LRRC23: variants seen among roughly 807,000 people sequenced by gnomAD.
LRRC23 encodes the protein leucine rich repeat containing 23.
LRRC23 carries 28 observed loss-of-function variants against 37.7 expected under a neutral mutation model. The observed-to-expected ratio is 0.74, with a 90% confidence interval of 0.55 to 1.02. LRRC23 has a LOEUF of 1.02. Among genes scored for constraint, LRRC23 ranks in the 50% least tolerant of loss-of-function variants. The pLI, the probability that LRRC23 is intolerant of heterozygous loss-of-function variation, is 0.00. For synonymous variants in LRRC23, 161 were observed against 165.4 expected (o/e 0.97, Z 0.20); for missense variants, 377 against 413.2 (o/e 0.91, Z 0.76).
rs1945195369 is a variant in LRRC23, at chr12:6,912,805, T to C, written c.834T>C (p.Leu278=). The change falls in exon 7 of 8, where the codon CTT becomes CTC. Residue 278 remains leucine, a synonymous_variant. Transcript: ENST00000443597. ...CCAAGCTGCGAGCGTTGGTGCTGCTTGATAACCCATGCACGGACGAAACCA... is the reference window on the plus strand; with the variant it reads ...CCAAGCTGCGAGCGTTGGTGCTGCTCGATAACCCATGCACGGACGAAACCA... ...DLPKLRALVL[L]DNPCTDETSY... is the part of the protein sequence containing the mutation. 1 of 1,614,070 alleles carries C rather than the reference T, an allele frequency of 6.2e-7. No individual in the cohort carries two copies. Among genetic ancestry groups the C allele is most frequent in the Non-Finnish European group, 8.5e-7 (1 of 1,179,998 alleles).
intron 5 of LRRC23, among the ~76,000 whole-genome samples, chr12:6,909,062 TAAA>T (rs1463864258): frequency 1.6e-5 from 1 of 64,512 alleles, no homozygotes; most frequent in Admixed American, 2.6e-4. Context: ...ATATTATATA[TAAA>T]TATATATTAT....
In LRRC23 at chr12:6,913,843, G is replaced by A. The variant is rs781864414; in HGVS notation, c.*25-48G>A. On this transcript the variant is annotated intron_variant, in intron 7 of 7. Transcript: ENST00000443597. ...CTTCCAAAGTGCTGGGATTACAGGG[G>A]TGAGCCACAGCGCCTGGTCCCTATT... The A allele has an allele frequency of 7.7e-6, 11 of 1,429,092 alleles. No homozygotes were observed. In the East Asian group the frequency reaches 2.2e-4, roughly 28 times the overall value. 88.5% of individuals were successfully genotyped at this position (1,429,092 alleles called of 1,614,324 possible).
intron 5 of LRRC23, among the ~76,000 whole-genome samples, chr12:6,907,923 C>T (rs902481425): frequency 3.3e-5 from 5 of 152,112 alleles, no homozygotes; most frequent in African/African-American, 7.2e-5. Context: ...ATTGAGGGCT[C>T]GGTTCCCAAG....
At chr12:6,908,596 C>CAAAAAAAAAAAAAAAAAAAA (rs61662814) in intron 5 of LRRC23, among the ~76,000 whole-genome samples, 5 of 31,074 alleles carry the variant, frequency 1.6e-4, no homozygotes, top group African/African-American at 3.9e-4. Context: ...GACTCCATCT[C>CAAAAAAAAAAAAAAAAAAAA]AAAAAAAAAA....
intron 5 of LRRC23, 128 bp downstream of exon 5, chr12:6,907,573 C>T: frequency 1.0e-6 from 1 of 1,004,562 alleles, no homozygotes; most frequent in South Asian, 1.3e-5. Flanking sequence ...TTATCAAGAC[C>T]ATAGTTGGTT....
At chr12:6,907,286 C>G in intron 4 of LRRC23, 29 bp from the exon 5 acceptor site, 1 of 1,612,108 alleles carries the variant, frequency 6.2e-7, no homozygotes, top group Non-Finnish European at 8.5e-7. Flanking sequence ...TGGAGTGGCC[C>G]TTTGAGCTCT....
At chr12:6,911,769 G>C (rs1033380375) in intron 6 of LRRC23, among the ~76,000 whole-genome samples, 1 of 152,146 alleles carries the variant, frequency 6.6e-6, no homozygotes, top group Non-Finnish European at 1.5e-5. Flanking sequence ...GCACTTTGGG[G>C]GGGCCAAGGC....
intron 7 of LRRC23, chr12:6,913,599 T>C (rs1403978305): frequency 6.6e-6 from 1 of 152,604 alleles, no homozygotes; most frequent in African/African-American, 2.7e-5. Context: ...GTAGTCTTGC[T>C]TAGTCTCCAG....
chr12:6,906,397 T>A lies in LRRC23; in HGVS notation c.237-12T>A, dbSNP rs1370538708. ...CCTAAACCTGGTTTCTTCTCCCTCT[T>A]CCATCTCCTAGGGACCTGACAGACA... On this transcript the variant is annotated splice_polypyrimidine_tract_variant and intron_variant, in intron 3 of 7. Coordinates refer to ENST00000443597, the MANE Select transcript of LRRC23 (RefSeq NM_001135217.2). 6.2e-7 allele frequency: 1 copy of A among 1,611,728 alleles called. No homozygotes were observed. The highest frequency in any genetic ancestry group is 8.5e-7 in the Non-Finnish European group (1 of 1,179,032).
At position 6,914,170 on chromosome 12, in the gene LRRC23, T is replaced by A; in HGVS notation, c.*304T>A. 2 of 1,157,616 alleles carry A rather than the reference T, an allele frequency of 1.7e-6. No individual in the cohort carries two copies. The highest frequency in any genetic ancestry group is 2.4e-6 in the Non-Finnish European group (2 of 834,118). 71.7% of individuals were successfully genotyped at this position (1,157,616 alleles called of 1,614,324 possible). A position where few individuals can be genotyped will look rare whatever the true frequency, so the allele number is the denominator to read the frequency against. On this transcript the variant is annotated 3_prime_UTR_variant, in exon 8 of 8. Transcript: ENST00000443597. This position sits in a 1 kb window ranked among gnomAD's most constrained non-coding sequence, Gnocchi z 7.1. ...GCCGCGGGGTGCTGGTAGGAGTGGT[T>A]GGAGAGACTTGCGAAGGCGGCTGGG...
At chr12:6,907,708 C>A (rs782437146) in intron 5 of LRRC23, 37 of 594,780 alleles carry the variant, frequency 6.2e-5, no homozygotes, top group Non-Finnish European at 8.7e-5. Flanking sequence ...GTACAAACAT[C>A]AGTCTGTGGA....
intron 5 of LRRC23, 116 bp downstream of exon 5, chr12:6,907,561 T>C (rs1944980258): frequency 1.8e-6 from 2 of 1,094,890 alleles, no homozygotes; most frequent in African/African-American, 1.6e-5. Context: ...TAACTGGTAT[T>C]ATTATCAAGA....
In LRRC23 at chr12:6,913,934, G is replaced by A. The variant is rs782770175; in HGVS notation, c.*68G>A. 7 of 1,611,400 alleles carry A rather than the reference G, an allele frequency of 4.3e-6. No individual in the cohort carries two copies. Among genetic ancestry groups the A allele is most frequent in the Middle Eastern group, 1.7e-4 (1 of 6,038 alleles). On this transcript the variant is annotated 3_prime_UTR_variant, in exon 8 of 8. Transcript: ENST00000443597. ...CTTCAGACCTGATCAGACTCCCAGG[G>A]GCAGCCACCACATGTATGACAGAGA...
At position 6,908,596 on chromosome 12, in the gene LRRC23, C is replaced by CAAAAA. The variant is rs61662814; in HGVS notation, c.621+1171_621+1175dup. 2.9e-4 allele frequency among the ~76,000 whole-genome samples: 9 copies of CAAAAA among 31,076 alleles called. No individual in the cohort carries two copies. The East Asian group carries it at 5.7e-3, about 20-fold the overall frequency. The allele number at this position is 31,076 out of a possible 152,430, so 20.4% of individuals were successfully genotyped here. Reference sequence around the variant, plus strand: ...TGGGAGACAGAGCAAGACTCCATCTCAAAAAAAAAAAAAAAAAAAAAAAAC... The same window carrying CAAAAA: ...TGGGAGACAGAGCAAGACTCCATCTCAAAAAAAAAAAAAAAAAAAAAAAAAAAAAC... On this transcript the variant is annotated intron_variant, in intron 5 of 7. Transcript: ENST00000443597.
intron 5 of LRRC23, among the ~76,000 whole-genome samples, chr12:6,909,110 A>T (rs1207205690): frequency 6.7e-5 from 2 of 29,868 alleles, no homozygotes; most frequent in Non-Finnish European, 4.6e-5. Flanking sequence ...ATAATATATA[A>T]TTACATATAA....
At position 6,912,856 on chromosome 12, in the gene LRRC23, G is replaced by T. The variant is rs1945197698; in HGVS notation, c.885G>T (p.Gln295His). Residue 295 changes from glutamine (Q) to histidine (H), a missense_variant, in exon 7 of 8, where the codon CAG becomes CAT. Around this residue, in one of 3 missense-constraint regions of LRRC23, gnomAD observed 266 missense variants for 285.6 expected, o/e 0.93. Coordinates refer to ENST00000443597, the MANE Select transcript of LRRC23 (RefSeq NM_001135217.2). ...ETSYRQEALV[Q>H]MPYLERLDKE... is the part of the protein sequence containing the mutation. ...GCTACCGCCAGGAGGCCCTGGTGCA[G>T]ATGCCATACCTTGAACGCCTGGACA... 1 of 1,614,082 alleles carries T rather than the reference G, an allele frequency of 6.2e-7. No homozygotes were observed. The highest frequency in any genetic ancestry group is 1.3e-5 in the African/African-American group (1 of 74,920).
intron 5 of LRRC23, among the ~76,000 whole-genome samples, chr12:6,909,156 TTA>T (rs1945055020): frequency 1.9e-4 from 1 of 5,362 alleles, no homozygotes; most frequent in Non-Finnish European, 2.6e-4. Context: ...ATATTATATA[TTA>T]TATATAAAAT....
Position 6,914,054 on chromosome 12 carries a change from G to A in LRRC23, c.*188G>A, listed in dbSNP as rs1555141234. ...GCCGGTCCTCTGGGCAGTGTGGGGTGCAGAATGGGGTGCCTAGGCCTGAGC... is the reference window on the plus strand; with the variant it reads ...GCCGGTCCTCTGGGCAGTGTGGGGTACAGAATGGGGTGCCTAGGCCTGAGC... On this transcript the variant is annotated 3_prime_UTR_variant, in exon 8 of 8. Transcript: ENST00000443597. The surrounding 1 kb of genome is among the most constrained non-coding windows in gnomAD (Gnocchi z 7.1). 2.5e-6 allele frequency: 4 copies of A among 1,595,642 alleles called. No individual in the cohort carries two copies. The Admixed American group carries it at 5.3e-5, about 21-fold the overall frequency.
chr12:6,913,799 G>A, intron 7 of LRRC23, 92 bp from the exon 8 acceptor site: 3 of 927,054 alleles, frequency 3.2e-6, no homozygotes, highest in Non-Finnish European at 1.6e-6. Flanking sequence ...TCCTGACCTC[G>A]TGATCTGCCC....
Sources: allele counts gnomAD v4.1 joint callset (sites outside exome capture counted in the v4.1 genomes callset), GRCh38; gene constraint gnomAD v4.1.1; regional missense constraint gnomAD v4.1.1; non-coding constraint Gnocchi (gnomAD v3.1); transcripts MANE v1.5; gene names NCBI Gene and HGNC (gene_info 2026-07-23, HGNC 2026-07-21).